ZNF200: variants seen among roughly 807,000 people sequenced by gnomAD.
ZNF200 encodes zinc finger protein 200.
Under a neutral mutation model 33.6 loss-of-function variants are expected in ZNF200, and 35 were observed. The observed-to-expected ratio is 1.04, with a 90% confidence interval of 0.80 to 1.38. ZNF200 has a LOEUF of 1.38. ZNF200 is among the 40% of genes most tolerant of loss of function. The pLI is 0.00. For missense variants in ZNF200, 592 were observed against 470.6 expected, an observed-to-expected ratio of 1.26 and a Z score of -2.39; for synonymous variants, 209 against 167.7, an observed-to-expected ratio of 1.25 and a Z score of -1.90.
At chr16:3,229,200 T>TG (rs34606205) in intron 4 of ZNF200, among the ~76,000 whole-genome samples, 52,904 of 151,944 alleles carry the variant, frequency 0.35, 11,023 homozygotes, top group East Asian at 0.57. Flanking sequence ...GGTATCTGAG[T>TG]GGGGGTCCTG....
chr16:3,233,871 C>T, intron 1 of ZNF200, 35 bp from the exon 2 acceptor site: 1 of 1,487,438 alleles, frequency 6.7e-7, no homozygotes, highest in East Asian at 2.4e-5. Context: ...ACCCAAAAGA[C>T]CAGGCACGGC....
chr16:3,228,342 T>C lies in ZNF200; in HGVS notation c.467-3729A>G, dbSNP rs1958530744. On this transcript the variant is annotated intron_variant, in intron 4 of 4. Transcript: ENST00000414144. ...AGTTTTCTGATTACTCTGTTCTACC[T>C]ATAAGGAAGTATCTGTTAACTATTT... is the stretch of plus-strand genomic sequence containing the variant. Among the ~76,000 whole-genome samples, 9 of 152,246 alleles carry C rather than the reference T, an allele frequency of 5.9e-5. No homozygotes were observed. In the South Asian group the frequency reaches 1.9e-3, roughly 32 times the overall value.
At chr16:3,232,811 T>C (rs376874328) in intron 3 of ZNF200, 22 bp downstream of exon 3, 7 of 1,611,118 alleles carry the variant, frequency 4.3e-6, no homozygotes, top group African/African-American at 2.7e-5. Flanking sequence ...ATTCAGGCAG[T>C]AAATGGGAAA....
chr16:3,232,713 AGG>A, intron 3 of ZNF200, 118 bp downstream of exon 3: 1 of 1,418,450 alleles, frequency 7.0e-7, no homozygotes, highest in Non-Finnish European at 9.7e-7. Flanking sequence ...GAAGGGCTCA[AGG>A]AAAAAGCAGA....
rs542788627 is a variant in ZNF200, at chr16:3,225,066, CTAAA to C, written c.467-457_467-454del. On this transcript the variant is annotated intron_variant, in intron 4 of 4. Coordinates refer to ENST00000414144, the MANE Select transcript of ZNF200 (RefSeq NM_198088.3). ...TAAATATTATCACACTATTATAGCA[CTAAA>C]TAATATCATAATGTCTTACAATGAG... 534 of 155,772 alleles carry C rather than the reference CTAAA, an allele frequency of 3.4e-3. 1 individual carries two copies. Among genetic ancestry groups the C allele is most frequent in the Middle Eastern group, 0.017 (5 of 296 alleles). 9.6% of individuals were successfully genotyped at this position (155,772 alleles called of 1,614,324 possible).
At chr16:3,228,706 T>C (rs974159175) in intron 4 of ZNF200, among the ~76,000 whole-genome samples, 3 of 151,990 alleles carry the variant, frequency 2.0e-5, no homozygotes, top group Middle Eastern at 3.2e-3. Context: ...TTTGCTATGT[T>C]GGACAGGCTG....
chr16:3,224,266 T>C lies in ZNF200; in HGVS notation c.814A>G (p.Arg272Gly), dbSNP rs766387428. ...NESSYLISHQRTHTGEKPYDC... is the reference protein window; with the variant it reads ...NESSYLISHQGTHTGEKPYDC... ...TAGGGTTTTTCTCCAGTGTGGGTCC[T>C]CTGGTGGGAAATGAGGTAAGAACTT... The change falls in exon 5 of 5, where the codon AGG becomes GGG. Residue 272 changes from arginine (R) to glycine (G), a missense_variant. By Grantham distance (125) the Arg-to-Gly change is moderately radical (BLOSUM62 -2). Transcript: ENST00000414144. The C allele has an allele frequency of 1.7e-5, 27 of 1,614,022 alleles. No homozygotes were observed. The highest frequency in any genetic ancestry group is 2.1e-5 in the Non-Finnish European group (25 of 1,180,022).
At chr16:3,228,304 GT>G (rs1311969890) in intron 4 of ZNF200, among the ~76,000 whole-genome samples, 3 of 151,844 alleles carry the variant, frequency 2.0e-5, no homozygotes, top group African/African-American at 7.3e-5. Context: ...ACAAATAAAT[GT>G]TCTTATTTTT....
intron 4 of ZNF200, 145 bp from the exon 5 acceptor site, chr16:3,224,758 T>C: frequency 1.0e-6 from 1 of 984,306 alleles, no homozygotes; most frequent in Non-Finnish European, 1.5e-6. Context: ...TTTTCCATAC[T>C]TATTGAGGGT....
intron 1 of ZNF200, among the ~76,000 whole-genome samples, chr16:3,234,413 G>A (rs908542602): frequency 6.6e-6 from 1 of 151,668 alleles, no homozygotes; most frequent in East Asian, 1.9e-4. Flanking sequence ...AAAAAGAAAG[G>A]AAAAGAGAAA....
chr16:3,222,765 A>C lies in ZNF200; in HGVS notation c.*1127T>G, dbSNP rs2031578015. On this transcript the variant is annotated 3_prime_UTR_variant, in exon 5 of 5. Coordinates refer to ENST00000414144, the MANE Select transcript of ZNF200 (RefSeq NM_198088.3). ...CGCTGGCCTTGCTTCTAGGCAGAGG[A>C]CAGGAAGGTATGGATATCAAGAGGC... 6.6e-6 allele frequency: 1 copy of C among 152,244 alleles called. No homozygotes were observed. The highest frequency in any genetic ancestry group is 6.5e-5 in the Admixed American group (1 of 15,274). The allele number at this position is 152,244 out of a possible 1,614,324, so 9.4% of individuals were successfully genotyped here.
intron 1 of ZNF200, chr16:3,234,257 T>A (rs1028202637): frequency 6.0e-5 from 9 of 149,126 alleles, no homozygotes; most frequent in South Asian, 2.0e-4. Context: ...AAAAAAAAAA[T>A]TAGCTGGGCG....
Position 3,222,620 on chromosome 16 carries a change from A to G in ZNF200, c.*1272T>C. 6.6e-6 allele frequency: 1 copy of G among 152,236 alleles called. No individual in the cohort carries two copies. Among genetic ancestry groups the G allele is most frequent in the Non-Finnish European group, 1.5e-5 (1 of 68,040 alleles). The allele number at this position is 152,236 out of a possible 1,614,324, so 9.4% of individuals were successfully genotyped here. On this transcript the variant is annotated 3_prime_UTR_variant, in exon 5 of 5. Coordinates refer to ENST00000414144, the MANE Select transcript of ZNF200 (RefSeq NM_198088.3). ...GGAAACATACACTATAATTTTTCCC[A>G]AATAGCTTATAGGATTTCTTTATTC...
Position 3,232,650 on chromosome 16 carries a change from G to C in ZNF200, c.340-103C>G, listed in dbSNP as rs139019613. Reference sequence around the variant, plus strand: ...CAAAGATCAAGGGAAGGGATAGCAAGAGGGACCTATAAATCCCACAGAGGT... The same window carrying C: ...CAAAGATCAAGGGAAGGGATAGCAACAGGGACCTATAAATCCCACAGAGGT... On this transcript the variant is annotated intron_variant, in intron 3 of 4. Transcript: ENST00000414144. 3 of 1,533,448 alleles carry C rather than the reference G, an allele frequency of 2.0e-6. No individual in the cohort carries two copies. In the African/African-American group the frequency reaches 4.1e-5, roughly 21 times the overall value. The allele number at this position is 1,533,448 out of a possible 1,614,324, so 95.0% of individuals were successfully genotyped here.
At position 3,232,554 on chromosome 16, in the gene ZNF200, G is replaced by C. The variant is rs1567223758; in HGVS notation, c.340-7C>G. 2 of 1,613,060 alleles carry C rather than the reference G, an allele frequency of 1.2e-6. No homozygotes were observed. Among genetic ancestry groups the C allele is most frequent in the Non-Finnish European group, 8.5e-7 (1 of 1,179,880 alleles). On this transcript the variant is annotated splice_polypyrimidine_tract_variant and splice_region_variant and intron_variant, in intron 3 of 4. Coordinates refer to ENST00000414144, the MANE Select transcript of ZNF200 (RefSeq NM_198088.3). ...CCTCAAAGACCACCAGCTCCTGAAA[G>C]AGCAAGAGGCCCCTTTCATCTTAGT...
At chr16:3,232,601 C>T in intron 3 of ZNF200, 54 bp from the exon 4 acceptor site, 3 of 1,600,176 alleles carry the variant, frequency 1.9e-6, no homozygotes, top group Non-Finnish European at 2.6e-6. Context: ...ACTGACAGCC[C>T]TACTGGTAAG....
intron 4 of ZNF200, among the ~76,000 whole-genome samples, chr16:3,231,426 C>G (rs1399875466): frequency 1.3e-5 from 2 of 152,146 alleles, no homozygotes; most frequent in Non-Finnish European, 2.9e-5. Context: ...CCCCAGGCAA[C>G]TTCTAAAACC....
intron 4 of ZNF200, among the ~76,000 whole-genome samples, chr16:3,228,181 T>C (rs1210556989): frequency 2.0e-5 from 3 of 152,224 alleles, no homozygotes; most frequent in Admixed American, 6.5e-5. Context: ...CCTTCCACTG[T>C]ATCTTCTAAA....
chr16:3,233,410 A>G, intron 2 of ZNF200, 96 bp downstream of exon 2: 1 of 1,450,772 alleles, frequency 6.9e-7, no homozygotes, highest in Non-Finnish European at 9.1e-7. Context: ...TCCAATATAC[A>G]CCATCCTAAC....
Sources: allele counts gnomAD v4.1 joint callset (sites outside exome capture counted in the v4.1 genomes callset), GRCh38; gene constraint gnomAD v4.1.1; transcripts MANE v1.5; gene names NCBI Gene and HGNC (gene_info 2026-07-23, HGNC 2026-07-21).